HLA-DMB: variants seen among roughly 807,000 people sequenced by gnomAD.
The protein encoded by HLA-DMB is HLA class II histocompatibility antigen, DM beta chain.
Under a neutral mutation model 29.3 loss-of-function variants are expected in HLA-DMB, and 18 were observed. The ratio of observed to expected loss-of-function variants is 0.62; its 90% confidence interval spans 0.43 to 0.91. The LOEUF is 0.91. Among genes scored for constraint, HLA-DMB ranks in the 40% least tolerant of loss-of-function variants. HLA-DMB has a pLI of 0.00. For missense variants in HLA-DMB, 258 were observed against 320.9 expected (o/e 0.80, Z 1.50); for synonymous variants, 143 against 128.7 (o/e 1.11, Z -0.75).
intron 1 of HLA-DMB, 24 bp downstream of exon 1, chr6:32,940,729 A>T (rs1240411378): frequency 1.0e-5 from 16 of 1,589,568 alleles, no homozygotes; most frequent in Admixed American, 6.9e-5. Context: ...GGGAAGGGAG[A>T]GTCCCCAGAA....
chr6:32,935,237 A>C (rs1037764600), intron 5 of HLA-DMB, 105 bp downstream of exon 5: 7 of 985,600 alleles, frequency 7.1e-6, no homozygotes, highest in Non-Finnish European at 1.1e-5. Context: ...TCCTCATGGA[A>C]GCTCACCCAT....
chr6:32,938,174 C>T (rs1444438531), intron 2 of HLA-DMB: 1 of 154,412 alleles, frequency 6.5e-6, no homozygotes, highest in Non-Finnish European at 1.4e-5. Flanking sequence ...TTAACAAGCA[C>T]CTCCTCCAGG....
chr6:32,940,707 A>C, intron 1 of HLA-DMB, 46 bp downstream of exon 1: 1 of 1,505,554 alleles, frequency 6.6e-7, no homozygotes. Flanking sequence ...CCTTACCCTG[A>C]AACAGGAGCA....
At chr6:32,935,950 A>C in intron 3 of HLA-DMB, 1 of 422,396 alleles carries the variant, frequency 2.4e-6, no homozygotes, top group Non-Finnish European at 4.3e-6. Context: ...CTTTACCCCA[A>C]AGCCACCCTT....
chr6:32,937,574 C>T lies in HLA-DMB; in HGVS notation c.338-118G>A, dbSNP rs994801930. The T allele has an allele frequency of 2.3e-6, 2 of 873,126 alleles. No individual in the cohort carries two copies. The highest frequency in any genetic ancestry group is 3.6e-6 in the Non-Finnish European group (2 of 558,844). 54.1% of individuals were successfully genotyped at this position (873,126 alleles called of 1,614,324 possible). A position where few individuals can be genotyped will look rare whatever the true frequency, so the allele number is the denominator to read the frequency against. ...TTTTGCAACCCACTTTCCACCCCAG[C>T]CCCCTCTGCCATGCTGCCCCTTGAA... On this transcript the variant is annotated intron_variant, in intron 2 of 5. Coordinates refer to ENST00000418107, the MANE Select transcript of HLA-DMB (RefSeq NM_002118.5). This position sits in a 1 kb window ranked among gnomAD's most constrained non-coding sequence, Gnocchi z 4.1.
intron 1 of HLA-DMB, among the ~76,000 whole-genome samples, chr6:32,940,011 C>A (rs2127471545): frequency 6.7e-6 from 1 of 150,126 alleles, no homozygotes; most frequent in Admixed American, 6.6e-5. Context: ...TATAGGATAT[C>A]CAGCTAATAT....
intron 2 of HLA-DMB, 143 bp downstream of exon 2, chr6:32,938,541 C>T (rs757151155): frequency 3.6e-6 from 3 of 835,582 alleles, no homozygotes; most frequent in Non-Finnish European, 5.1e-6. Context: ...AGGTTCAATC[C>T]TCCGTCTTTC....
Position 32,940,817 on chromosome 6 carries a change from T to C in HLA-DMB, c.-10A>G, listed in dbSNP as rs1346267344. The C allele has an allele frequency of 6.3e-7, 1 of 1,590,122 alleles. No homozygotes were observed. On this transcript the variant is annotated 5_prime_UTR_variant, in exon 1 of 6. Coordinates refer to ENST00000418107, the MANE Select transcript of HLA-DMB (RefSeq NM_002118.5). The stretch of plus-strand genomic sequence containing the variant: ...GCAGGAATGTGATCATGCTCTGCTC[T>C]GTAAAGATGCCGGGAGTTCAGTCCC...
At position 32,938,979 on chromosome 6, in the gene HLA-DMB, G is replaced by C; in HGVS notation, c.56-14C>G. 1 of 1,480,984 alleles carries C rather than the reference G, an allele frequency of 6.8e-7. No homozygotes were observed. 91.7% of individuals were successfully genotyped at this position (1,480,984 alleles called of 1,614,324 possible). ...CCACGAAGCCACCTAGAGGAGCCAG[G>C]GAAGGGAGAACAGGTCAATGTCTTC... On this transcript the variant is annotated splice_polypyrimidine_tract_variant and intron_variant, in intron 1 of 5. Coordinates refer to ENST00000418107, the MANE Select transcript of HLA-DMB (RefSeq NM_002118.5).
intron 2 of HLA-DMB, 77 bp downstream of exon 2, chr6:32,938,607 G>T: frequency 7.5e-7 from 1 of 1,331,428 alleles, no homozygotes; most frequent in Non-Finnish European, 9.9e-7. Context: ...CAAACCCCTG[G>T]GCCACTGTGG....
At chr6:32,940,674 A>T in intron 1 of HLA-DMB, 79 bp downstream of exon 1, 1 of 1,088,154 alleles carries the variant, frequency 9.2e-7, no homozygotes, top group Non-Finnish European at 1.4e-6. Context: ...TGGGGTGTCA[A>T]ATGCAATTAC....
Position 32,937,656 on chromosome 6 carries a change from T to C in HLA-DMB, c.338-200A>G. The C allele has an allele frequency of 1.7e-6, 1 of 574,274 alleles. No individual in the cohort carries two copies. Among genetic ancestry groups the C allele is most frequent in the East Asian group, 2.9e-5 (1 of 34,908 alleles). The allele number at this position is 574,274 out of a possible 1,614,324, so 35.6% of individuals were successfully genotyped here. A position where few individuals can be genotyped will look rare whatever the true frequency, so the allele number is the denominator to read the frequency against. The stretch of plus-strand genomic sequence containing the variant: ...TCTTTCTTCTCTCCCATTCCTTCAT[T>C]GCCCCTTTCTTTCTTTCCTCCTCCA... On this transcript the variant is annotated intron_variant, in intron 2 of 5. Coordinates refer to ENST00000418107, the MANE Select transcript of HLA-DMB (RefSeq NM_002118.5). The surrounding 1 kb of genome is among the most constrained non-coding windows in gnomAD (Gnocchi z 4.1).
rs1338797849 is a variant in HLA-DMB at position 32,937,092 on chromosome 6, G to C, written c.622+80C>G. The C allele has an allele frequency of 8.0e-7, 1 of 1,246,544 alleles. No individual in the cohort carries two copies. The highest frequency in any genetic ancestry group is 1.5e-5 in the African/African-American group (1 of 66,212). 77.2% of individuals were successfully genotyped at this position (1,246,544 alleles called of 1,614,324 possible). On this transcript the variant is annotated intron_variant, in intron 3 of 5. Coordinates refer to ENST00000418107, the MANE Select transcript of HLA-DMB (RefSeq NM_002118.5). The surrounding 1 kb of genome is among the most constrained non-coding windows in gnomAD (Gnocchi z 4.1). Reference sequence around the variant, plus strand: ...CAGTCCCCATTTTCAGCACTTCGCTGTCTACCATGTACCATGTATCGATCC... The same window carrying C: ...CAGTCCCCATTTTCAGCACTTCGCTCTCTACCATGTACCATGTATCGATCC...
chr6:32,935,108 A>G (rs1206951141), intron 5 of HLA-DMB, 121 bp from the exon 6 acceptor site: 1 of 1,129,432 alleles, frequency 8.9e-7, no homozygotes, highest in Admixed American at 1.9e-5. Context: ...ACCAACAACT[A>G]ATACAAAGGA....
At chr6:32,936,961 A>G (rs551195484) in intron 3 of HLA-DMB, 54 of 412,198 alleles carry the variant, frequency 1.3e-4, no homozygotes, top group Admixed American at 3.0e-4. Flanking sequence ...TGCCACTGAA[A>G]GTAATGGCAA....
In HLA-DMB at chr6:32,934,842, A is replaced by C; in HGVS notation, c.*129T>G. The C allele has an allele frequency of 1.0e-6, 1 of 1,004,220 alleles. No homozygotes were observed. Among genetic ancestry groups the C allele is most frequent in the South Asian group, 1.4e-5 (1 of 69,116 alleles). 62.2% of individuals were successfully genotyped at this position (1,004,220 alleles called of 1,614,324 possible). A position where few individuals can be genotyped will look rare whatever the true frequency, so the allele number is the denominator to read the frequency against. On this transcript the variant is annotated 3_prime_UTR_variant, in exon 6 of 6. Transcript: ENST00000418107. ...TTACATAGGGGAGACTGGGAAATTC[A>C]AAGAATTGGATGGAGAAACCATAGG...
chr6:32,934,876 T>C lies in HLA-DMB; in HGVS notation c.*95A>G. 2 of 1,230,286 alleles carry C rather than the reference T, an allele frequency of 1.6e-6. No individual in the cohort carries two copies. The highest frequency in any genetic ancestry group is 2.4e-6 in the Non-Finnish European group (2 of 835,336). The allele number at this position is 1,230,286 out of a possible 1,614,324, so 76.2% of individuals were successfully genotyped here. A position where few individuals can be genotyped will look rare whatever the true frequency, so the allele number is the denominator to read the frequency against. On this transcript the variant is annotated 3_prime_UTR_variant, in exon 6 of 6. Coordinates refer to ENST00000418107, the MANE Select transcript of HLA-DMB (RefSeq NM_002118.5). ...GATGGAGAAACCATAGGATCCAAGA[T>C]AATGTCAGGGGGTTGAAGATGTTGG...
Position 32,937,098 on chromosome 6 carries a change from C to T in HLA-DMB, c.622+74G>A, listed in dbSNP as rs779482277. On this transcript the variant is annotated intron_variant, in intron 3 of 5. Coordinates refer to ENST00000418107, the MANE Select transcript of HLA-DMB (RefSeq NM_002118.5). The surrounding 1 kb of genome is among the most constrained non-coding windows in gnomAD (Gnocchi z 4.1). ...CCATTTTCAGCACTTCGCTGTCTAC[C>T]ATGTACCATGTATCGATCCACATCT... The T allele has an allele frequency of 7.4e-7, 1 of 1,349,236 alleles. No individual in the cohort carries two copies. Among genetic ancestry groups the T allele is most frequent in the African/African-American group, 1.5e-5 (1 of 68,862 alleles). The allele number at this position is 1,349,236 out of a possible 1,614,324, so 83.6% of individuals were successfully genotyped here.
chr6:32,939,779 G>A (rs1776240635), intron 1 of HLA-DMB, among the ~76,000 whole-genome samples: 1 of 151,930 alleles, frequency 6.6e-6, no homozygotes, highest in African/African-American at 2.4e-5. Context: ...ACAATAATAA[G>A]TAAACTTTTC....
Sources: gnomAD v4.1 joint callset for allele counts (sites outside exome capture counted in the v4.1 genomes callset) on GRCh38, gnomAD v4.1.1 for gene constraint, Gnocchi (gnomAD v3.1) non-coding constraint, MANE v1.5 for transcripts, NCBI Gene and HGNC (gene_info 2026-07-23, HGNC 2026-07-21) for gene names.